Variants in PLCE1 observed in about 807,000 individuals in gnomAD.
The protein encoded by PLCE1 is phospholipase C epsilon 1.
A neutral mutation model predicts 242.8 loss-of-function variants in PLCE1; 119 were observed. The ratio of observed to expected loss-of-function variants is 0.49; its 90% CI spans 0.42 to 0.57. PLCE1 has a LOEUF of 0.57. Among genes scored for constraint, PLCE1 ranks in the 20% least tolerant of loss-of-function variants. The pLI is 0.00. For synonymous variants in PLCE1, 945 were observed against 1,017.4 expected, an observed-to-expected ratio of 0.93 and a Z score of 1.35; for missense variants, 2,441 against 2,788.8, an observed-to-expected ratio of 0.88 and a Z score of 2.81.
intron 2 of PLCE1, among the ~76,000 whole-genome samples, chr10:94,055,622 T>C (rs951194069): frequency 6.6e-6 from 1 of 152,108 alleles, no homozygotes; most frequent in Non-Finnish European, 1.5e-5. Context: ...CTAGCTGTTG[T>C]CTTACTTTTG....
chr10:94,042,223 C>A (rs371526483), intron 2 of PLCE1, among the ~76,000 whole-genome samples: 7 of 152,078 alleles, frequency 4.6e-5, no homozygotes, highest in African/African-American at 1.7e-4. Context: ...CACTCCCTGA[C>A]GCTGTGTAGT....
intron 2 of PLCE1, among the ~76,000 whole-genome samples, chr10:94,094,287 G>T (rs1282273317): frequency 1.3e-5 from 2 of 151,138 alleles, no homozygotes; most frequent in African/African-American, 4.9e-5. Context: ...ATTGTACGAG[G>T]TATACAAATA....
At chr10:94,324,662 A>G in intron 31 of PLCE1, 95 bp downstream of exon 31, 1 of 1,123,480 alleles carries the variant, frequency 8.9e-7, no homozygotes, top group Non-Finnish European at 1.3e-6. Flanking sequence ...TTTAGGAGAA[A>G]GTTCCTGAGT....
chr10:94,174,359 G>T (rs981780294), intron 4 of PLCE1, among the ~76,000 whole-genome samples: 16 of 152,152 alleles, frequency 1.1e-4, no homozygotes, highest in Admixed American at 8.5e-4. Flanking sequence ...GAGAAAAATA[G>T]AAAATCATCA....
intron 3 of PLCE1, among the ~76,000 whole-genome samples, chr10:94,148,236 C>T (rs993760338): frequency 6.6e-6 from 1 of 152,142 alleles, no homozygotes; most frequent in Non-Finnish European, 1.5e-5. Context: ...GAAGAAGGCA[C>T]TCAGAAATGG....
intron 7 of PLCE1, among the ~76,000 whole-genome samples, chr10:94,244,192 A>C (rs1185681167): frequency 6.6e-6 from 1 of 152,218 alleles, no homozygotes; most frequent in Non-Finnish European, 1.5e-5. Flanking sequence ...AATCTTGTTC[A>C]GGGACCATAG....
chr10:94,223,949 T>C (rs981299933), intron 4 of PLCE1, among the ~76,000 whole-genome samples: 1 of 152,216 alleles, frequency 6.6e-6, no homozygotes, highest in Non-Finnish European at 1.5e-5. Context: ...CATTTTGACA[T>C]TTGTCACTGA....
chr10:94,125,483 C>G (rs1249000790), intron 2 of PLCE1, among the ~76,000 whole-genome samples: 1 of 152,024 alleles, frequency 6.6e-6, no homozygotes, highest in African/African-American at 2.4e-5. Flanking sequence ...AGCTCCGCCT[C>G]CTGGGTTCAT....
intron 2 of PLCE1, among the ~76,000 whole-genome samples, chr10:94,086,604 G>A (rs2044834893): frequency 6.6e-6 from 1 of 152,300 alleles, no homozygotes. Context: ...AGGCCCATAT[G>A]TCTACACTCT....
chr10:94,306,917 G>A lies in PLCE1; in HGVS notation c.5884+229G>A, dbSNP rs1054043207. The stretch of plus-strand genomic sequence containing the variant: ...TTAACAATATCCCTTGTAAAGTACA[G>A]CCTCACCCATGCTTGCTGATGTCAG... On this transcript the variant is annotated intron_variant, in intron 26 of 32. Coordinates refer to ENST00000371380, the MANE Select transcript of PLCE1 (RefSeq NM_016341.4). This position sits in a 1 kb window ranked among gnomAD's most constrained non-coding sequence, Gnocchi z 5.7. Among the ~76,000 whole-genome samples, 4 of 152,186 alleles carry A rather than the reference G, an allele frequency of 2.6e-5. No homozygotes were observed. Among genetic ancestry groups the A allele is most frequent in the African/African-American group, 9.6e-5 (4 of 41,454 alleles).
In PLCE1 at chr10:94,329,308, C is replaced by T. The variant is rs1384561381; in HGVS notation, c.*1365C>T. ...GAATTTTAAAAATGAAATATGTATT[C>T]CTCTAAAACCCAAACTTTTATCTTT... On this transcript the variant is annotated 3_prime_UTR_variant, in exon 33 of 33. Coordinates refer to ENST00000371380, the MANE Select transcript of PLCE1 (RefSeq NM_016341.4). The T allele has an allele frequency of 2.0e-5, 3 of 152,106 alleles. No homozygotes were observed. Among genetic ancestry groups the T allele is most frequent in the Non-Finnish European group, 4.4e-5 (3 of 68,020 alleles). 9.4% of individuals were successfully genotyped at this position (152,106 alleles called of 1,614,324 possible). A position where few individuals can be genotyped will look rare whatever the true frequency, so the allele number is the denominator to read the frequency against.
intron 7 of PLCE1, among the ~76,000 whole-genome samples, chr10:94,236,862 C>G (rs970442201): frequency 6.6e-6 from 1 of 152,154 alleles, no homozygotes; most frequent in African/African-American, 2.4e-5. Flanking sequence ...CTCCCTCTCT[C>G]TCTCTCTCGG....
chr10:94,244,079 T>C (rs958526527), intron 7 of PLCE1, among the ~76,000 whole-genome samples: 2 of 152,220 alleles, frequency 1.3e-5, no homozygotes, highest in African/African-American at 2.4e-5. Flanking sequence ...ACCGTCAGAT[T>C]TGTGAGACAC....
At chr10:94,228,894 C>T (rs1309168343) in intron 5 of PLCE1, among the ~76,000 whole-genome samples, 2 of 152,030 alleles carry the variant, frequency 1.3e-5, no homozygotes, top group East Asian at 1.9e-4. Flanking sequence ...ATAAAGAAAA[C>T]GTGTAGGCCG....
chr10:94,152,014 A>G (rs1192757418), intron 3 of PLCE1, among the ~76,000 whole-genome samples: 1 of 152,184 alleles, frequency 6.6e-6, no homozygotes, highest in East Asian at 1.9e-4. Flanking sequence ...AAATTAACTC[A>G]AGATGGATTA....
At chr10:94,001,169 A>C (rs1340946639) in intron 1 of PLCE1, among the ~76,000 whole-genome samples, 1 of 152,224 alleles carries the variant, frequency 6.6e-6, no homozygotes, top group African/African-American at 2.4e-5. Context: ...AAAATAAAAC[A>C]AAACATAGAT....
Position 94,254,310 on chromosome 10 carries a change from A to G in PLCE1, c.3397+3A>G, listed in dbSNP as rs573646938. Reference sequence around the variant, plus strand: ...CATTAATGAACAAGAAGAATCAGGTAAAGCGGCATGTTTACATCTGAGATT... The same window carrying G: ...CATTAATGAACAAGAAGAATCAGGTGAAGCGGCATGTTTACATCTGAGATT... On this transcript the variant is annotated splice_donor_region_variant and intron_variant, in intron 10 of 32. Coordinates refer to ENST00000371380, the MANE Select transcript of PLCE1 (RefSeq NM_016341.4). The G allele has an allele frequency of 1.5e-5, 23 of 1,585,390 alleles. No homozygotes were observed. In the African/African-American group the frequency reaches 3.0e-4, roughly 20 times the overall value.
intron 2 of PLCE1, among the ~76,000 whole-genome samples, chr10:94,131,428 A>ACATT (rs201662829): frequency 0.01 from 1,550 of 152,354 alleles, 9 homozygotes; most frequent in Non-Finnish European, 0.017. Flanking sequence ...ATATACATGC[A>ACATT]CATTGAATGA....
At chr10:94,049,631 G>A (rs1443052711) in intron 2 of PLCE1, among the ~76,000 whole-genome samples, 2 of 151,714 alleles carry the variant, frequency 1.3e-5, no homozygotes, top group Non-Finnish European at 2.9e-5. Flanking sequence ...TATTGTTGAA[G>A]TATAACACAT....
Sources: allele counts gnomAD v4.1 joint callset (sites outside exome capture counted in the v4.1 genomes callset), GRCh38; gene constraint gnomAD v4.1.1; non-coding constraint Gnocchi (gnomAD v3.1); transcripts MANE v1.5; gene names NCBI Gene and HGNC (gene_info 2026-07-23, HGNC 2026-07-21).